The following OR9Q1 variants were observed in gnomAD, a reference collection of about 807,000 sequenced individuals.
OR9Q1 encodes the protein olfactory receptor family 9 subfamily Q member 1.
For synonymous variants in OR9Q1, 153 were observed against 148.6 expected (o/e 1.03, Z -0.22); for missense variants, 374 against 378.8 (o/e 0.99, Z 0.11).
At chr11:58,074,245 A>T (rs964986694) in intron 2 of OR9Q1, among the ~76,000 whole-genome samples, 10 of 151,080 alleles carry the variant, frequency 6.6e-5, no homozygotes, top group African/African-American at 2.4e-4. Flanking sequence ...GAATCACCAC[A>T]CTCTCCACTT....
chr11:58,092,430 TAA>T (rs1429408615), intron 2 of OR9Q1, among the ~76,000 whole-genome samples: 4 of 152,064 alleles, frequency 2.6e-5, no homozygotes, highest in Non-Finnish European at 2.9e-5. Context: ...ATTAATTTTA[TAA>T]GACATAATAA....
rs998743362 is a variant in OR9Q1, at chr11:58,163,982, G to A, written c.-14-15449G>A. Among the ~76,000 whole-genome samples, 4 of 152,154 alleles carry A rather than the reference G, an allele frequency of 2.6e-5. No homozygotes were observed. The East Asian group carries it at 5.8e-4, about 22-fold the overall frequency. ...CCTTCTCTTTTCCTACATGAAAGGGGCTATTTGCATATAAATAATCCCAAT... is the reference window on the plus strand; with the variant it reads ...CCTTCTCTTTTCCTACATGAAAGGGACTATTTGCATATAAATAATCCCAAT... On this transcript the variant is annotated intron_variant, in intron 2 of 2. Transcript: ENST00000335397.
chr11:58,048,695 T>TATATATATATATA (rs1403452829), intron 1 of OR9Q1, among the ~76,000 whole-genome samples: 1 of 141,346 alleles, frequency 7.1e-6, no homozygotes, highest in African/African-American at 2.6e-5. Flanking sequence ...TATATATATA[T>TATATATATATATA]TTTTTAGCAA....
Position 58,161,729 on chromosome 11 carries a change from G to A in OR9Q1, c.-14-17702G>A, listed in dbSNP as rs183460173. Among the ~76,000 whole-genome samples, 11 of 152,038 alleles carry A rather than the reference G, an allele frequency of 7.2e-5. No homozygotes were observed. The East Asian group carries it at 7.7e-4, about 11-fold the overall frequency. ...GTATTTTTAGTAGAGATGGGGTTTC[G>A]CTCTGTTAGCCAGGCTGGTCTCGAA... On this transcript the variant is annotated intron_variant, in intron 2 of 2. Coordinates refer to ENST00000335397, the MANE Select transcript of OR9Q1 (RefSeq NM_001005212.4).
chr11:58,169,766 A>G (rs1565095869), intron 2 of OR9Q1, among the ~76,000 whole-genome samples: 1 of 152,084 alleles, frequency 6.6e-6, no homozygotes, highest in Non-Finnish European at 1.5e-5. Context: ...GGCTTTACAT[A>G]TCATGCTGGC....
intron 2 of OR9Q1, among the ~76,000 whole-genome samples, chr11:58,165,062 A>C (rs908799615): frequency 2.6e-5 from 4 of 152,028 alleles, no homozygotes; most frequent in East Asian, 1.9e-4. Context: ...GCACACCACT[A>C]TCTGATATAA....
At chr11:58,056,440 G>T (rs1030722892) in intron 2 of OR9Q1, among the ~76,000 whole-genome samples, 1 of 152,110 alleles carries the variant, frequency 6.6e-6, no homozygotes, top group African/African-American at 2.4e-5. Context: ...CTGTTTTTCT[G>T]TGTGATGTGT....
intron 1 of OR9Q1, among the ~76,000 whole-genome samples, chr11:58,048,679 A>AAAAATATATATATATATATAT (rs745596668): frequency 3.0e-5 from 4 of 131,392 alleles, no homozygotes; most frequent in African/African-American, 1.1e-4. Flanking sequence ...TAAAAAAAAA[A>AAAAATATATATATATATATAT]ATATATATAT....
chr11:58,034,649 T>G (rs967054357), intron 1 of OR9Q1, among the ~76,000 whole-genome samples: 1 of 152,158 alleles, frequency 6.6e-6, no homozygotes, highest in African/African-American at 2.4e-5. Flanking sequence ...TCTTGTTATT[T>G]ACATGGTCAA....
At chr11:58,028,477 C>G (rs1344265378) in intron 1 of OR9Q1, among the ~76,000 whole-genome samples, 2 of 152,166 alleles carry the variant, frequency 1.3e-5, no homozygotes, top group African/African-American at 2.4e-5. Flanking sequence ...AGCTGTTTGA[C>G]TCTAAATCTC....
At chr11:58,129,236 CGTGTGTGTGTGTGTGTGTGTGTGT>C (rs59902083) in intron 2 of OR9Q1, among the ~76,000 whole-genome samples, 8 of 144,860 alleles carry the variant, frequency 5.5e-5, no homozygotes, top group African/African-American at 7.7e-5. Flanking sequence ...CAGAGCAATT[CGTGTGTGTGTGTGTGTGTGTGTGT>C]GTGTGTGTGT....
At chr11:58,146,574 T>C (rs923319585) in intron 2 of OR9Q1, among the ~76,000 whole-genome samples, 14 of 152,182 alleles carry the variant, frequency 9.2e-5, no homozygotes, top group African/African-American at 2.9e-4. Context: ...TAATCAACCA[T>C]TGCACAGTTA....
At chr11:58,074,111 A>G (rs1853516195) in intron 2 of OR9Q1, among the ~76,000 whole-genome samples, 1 of 152,138 alleles carries the variant, frequency 6.6e-6, no homozygotes, top group Admixed American at 6.6e-5. Flanking sequence ...GCTATTATAA[A>G]TAGTGCTGCA....
chr11:58,119,210 G>A, intron 2 of OR9Q1: 3 of 1,614,006 alleles, frequency 1.9e-6, no homozygotes, highest in Non-Finnish European at 2.5e-6. Flanking sequence ...AGGATCTGAG[G>A]GGTGATGACT....
chr11:58,031,992 A>G, intron 1 of OR9Q1: 1 of 716,686 alleles, frequency 1.4e-6, no homozygotes, highest in East Asian at 2.6e-5. Context: ...CAAATCAAGA[A>G]TGCAGTTCCA....
intron 2 of OR9Q1, among the ~76,000 whole-genome samples, chr11:58,165,116 T>G (rs1411361446): frequency 6.6e-6 from 1 of 152,216 alleles, no homozygotes; most frequent in Non-Finnish European, 1.5e-5. Context: ...TCCACAAGAA[T>G]GCAAGCTCAT....
chr11:58,170,967 C>G (rs1854549087), intron 2 of OR9Q1: 1 of 152,122 alleles, frequency 6.6e-6, no homozygotes. Context: ...TAAAGAAAAG[C>G]ATGTGACAAG....
intron 2 of OR9Q1, among the ~76,000 whole-genome samples, chr11:58,071,597 A>G (rs1371247134): frequency 6.6e-6 from 1 of 152,216 alleles, no homozygotes; most frequent in Non-Finnish European, 1.5e-5. Context: ...GCAAAGGGCC[A>G]ATGGCGTAAA....
intron 2 of OR9Q1, among the ~76,000 whole-genome samples, chr11:58,097,349 A>G (rs1272695007): frequency 6.6e-6 from 1 of 152,160 alleles, no homozygotes; most frequent in Non-Finnish European, 1.5e-5. Context: ...TCTCTTGCAT[A>G]TATACTAAGG....
Sources: allele counts gnomAD v4.1 joint callset (sites outside exome capture counted in the v4.1 genomes callset), GRCh38; gene constraint gnomAD v4.1.1; transcripts MANE v1.5; gene names NCBI Gene and HGNC (gene_info 2026-07-23, HGNC 2026-07-21).